Variants in ZC3H11A observed in about 807,000 individuals in gnomAD.
ZC3H11A encodes zinc finger CCCH domain-containing protein 11A.
Under a neutral mutation model 90.8 loss-of-function variants are expected in ZC3H11A, and 22 were observed. That is an observed-to-expected ratio of 0.24 (90% confidence interval 0.17 to 0.35). The LOEUF (loss-of-function observed/expected upper bound fraction) is 0.35, where lower values mean the gene tolerates loss of function less well. ZC3H11A is among the 10% of genes least tolerant of loss of function. The probability of loss-of-function intolerance (pLI) is 1.00; values close to 1 mark genes in which losing one functional copy is unlikely to be tolerated. For missense variants in ZC3H11A, 701 were observed against 964.9 expected (o/e 0.73, Z 3.62); for synonymous variants, 294 against 339.8 (o/e 0.87, Z 1.48).
chr1:203,831,189 T>C (rs1178030919), intron 8 of ZC3H11A, among the ~76,000 whole-genome samples: 2 of 152,046 alleles, frequency 1.3e-5, no homozygotes, highest in East Asian at 3.9e-4. Context: ...GGTAATCCAC[T>C]GCGCCCAGCC....
intron 10 of ZC3H11A, 44 bp from the exon 11 acceptor site, chr1:203,837,922 G>A: frequency 6.4e-7 from 1 of 1,568,226 alleles, no homozygotes; most frequent in Non-Finnish European, 8.7e-7. Flanking sequence ...TGTCCTTGCT[G>A]AAGATTGACT....
chr1:203,847,567 G>A lies in ZC3H11A; in HGVS notation c.1426G>A (p.Glu476Lys). The A allele has an allele frequency of 6.2e-7, 1 of 1,613,930 alleles. No homozygotes were observed. The highest frequency in any genetic ancestry group is 2.2e-5 in the East Asian group (1 of 44,878). ...MQEVHIKTLE[E>K]IKLEKALRVQ... ...GGAGGTGCACATCAAGACGCTGGAA[G>A]AAATTAAACTGGAGAAGGCACTGAG... Residue 476 changes from glutamate to lysine, a missense_variant, in exon 13 of 18, where the codon GAA becomes AAA. Coordinates refer to ENST00000367210, the MANE Select transcript of ZC3H11A (RefSeq NM_001376342.1).
At chr1:203,796,165 G>T in intron 1 of ZC3H11A, 1 of 331,098 alleles carries the variant, frequency 3.0e-6, no homozygotes, top group East Asian at 4.6e-5. Context: ...CCCGAATCCC[G>T]AAGAGAGAAC....
At chr1:203,851,959 ACT>A (rs1441257643) in intron 17 of ZC3H11A, among the ~76,000 whole-genome samples, 180 bp from the exon 18 acceptor site, 26 of 114,674 alleles carry the variant, frequency 2.3e-4, no homozygotes, top group African/African-American at 7.9e-4. Flanking sequence ...ACAAAGGGAG[ACT>A]CTGCCTCAAA....
chr1:203,830,031 A>G, intron 7 of ZC3H11A, 92 bp from the exon 8 acceptor site: 2 of 1,333,448 alleles, frequency 1.5e-6, no homozygotes, highest in Non-Finnish European at 2.1e-6. Flanking sequence ...TCTGTTGATC[A>G]TTTATTCAAA....
At chr1:203,798,971 T>G (rs759408571) in intron 1 of ZC3H11A, 48 of 1,536,014 alleles carry the variant, frequency 3.1e-5, no homozygotes, top group Non-Finnish European at 3.7e-5. Context: ...TACACCTGAC[T>G]GTTGACATAT....
At position 203,847,560 on chromosome 1, in the gene ZC3H11A, G is replaced by C. The variant is rs1331980064; in HGVS notation, c.1419G>C (p.Thr473=). The C allele has an allele frequency of 1.9e-6, 3 of 1,613,914 alleles. No individual in the cohort carries two copies. Among genetic ancestry groups the C allele is most frequent in the Non-Finnish European group, 2.5e-6 (3 of 1,179,876 alleles). ...CTATGCAGGAGGTGCACATCAAGAC[G>C]CTGGAAGAAATTAAACTGGAGAAGG... is the stretch of plus-strand genomic sequence containing the variant. The part of the protein sequence containing the change: ...TKSMQEVHIK[T]LEEIKLEKAL... Residue 473 remains threonine (T), a synonymous_variant, in exon 13 of 18, where the codon ACG becomes ACC. Transcript: ENST00000367210.
intron 4 of ZC3H11A, among the ~76,000 whole-genome samples, chr1:203,823,287 GT>G (rs1212940136): frequency 1.3e-5 from 2 of 152,012 alleles, no homozygotes; most frequent in Non-Finnish European, 2.9e-5. Flanking sequence ...CCGTGTGCCT[GT>G]TTTTTTATGC....
intron 3 of ZC3H11A, 64 bp downstream of exon 3, chr1:203,817,188 T>C (rs1676637418): frequency 7.3e-7 from 1 of 1,377,796 alleles, no homozygotes; most frequent in South Asian, 1.4e-5. Flanking sequence ...GGATAAGATT[T>C]TCCCAACATT....
At chr1:203,850,347 G>T in intron 15 of ZC3H11A, 168 bp from the exon 16 acceptor site, 1 of 969,610 alleles carries the variant, frequency 1.0e-6, no homozygotes, top group Non-Finnish European at 1.6e-6. Flanking sequence ...CACCTGTAGT[G>T]ACCACCATGT....
chr1:203,798,612 A>G, intron 1 of ZC3H11A: 1 of 1,536,152 alleles, frequency 6.5e-7, no homozygotes, highest in Non-Finnish European at 8.7e-7. Flanking sequence ...TGAGGACCTT[A>G]GTGACTCTGA....
chr1:203,814,916 A>T (rs1675756744), intron 2 of ZC3H11A: 1 of 151,496 alleles, frequency 6.6e-6, no homozygotes, highest in Non-Finnish European at 1.5e-5. Flanking sequence ...TGCAACCTCC[A>T]CCTCCCGGGT....
At chr1:203,799,313 C>T (rs751867500) in intron 1 of ZC3H11A, 11 of 711,444 alleles carry the variant, frequency 1.5e-5, no homozygotes, top group South Asian at 4.4e-5. Context: ...ACTTTTTCTG[C>T]GAGCACAAAA....
chr1:203,798,275 T>G, intron 1 of ZC3H11A: 1 of 1,536,108 alleles, frequency 6.5e-7, no homozygotes, highest in East Asian at 2.4e-5. Flanking sequence ...TCATCAAAAG[T>G]AACATTGTCA....
rs1159111192 is a variant in ZC3H11A at position 203,830,157 on chromosome 1, G to A, written c.654G>A (p.Glu218=). 1.3e-6 allele frequency: 2 copies of A among 1,597,040 alleles called. No homozygotes were observed. The highest frequency in any genetic ancestry group is 2.7e-5 in the African/African-American group (2 of 73,494). ...TGAATTTTGGAATAAAAACTCTTGA[G>A]GAAATTAAGTCAAAGAAAATGAAGG... is the stretch of plus-strand genomic sequence containing the variant. ...ECLNFGIKTL[E]EIKSKKMKEK... Residue 218 remains glutamate (E), a synonymous_variant, in exon 8 of 18, where the codon GAG becomes GAA. Coordinates refer to ENST00000367210, the MANE Select transcript of ZC3H11A (RefSeq NM_001376342.1).
rs1271040079 is a variant in ZC3H11A, at chr1:203,831,770, A to G, written c.810A>G (p.Gln270=). Residue 270 remains glutamine, a splice_region_variant and synonymous_variant, in exon 9 of 18, where the codon CAA becomes CAG. Coordinates refer to ENST00000367210, the MANE Select transcript of ZC3H11A (RefSeq NM_001376342.1). ...GGACAGTAACTCTCTCCACCAAACA[A>G]GGTAAGGTATAGATAGGTCTTAGAG... is the stretch of plus-strand genomic sequence containing the variant. ...VVRTVTLSTK[Q]GEEPLVRLSL... 3 of 1,610,074 alleles carry G rather than the reference A, an allele frequency of 1.9e-6. No homozygotes were observed. The highest frequency in any genetic ancestry group is 2.5e-6 in the Non-Finnish European group (3 of 1,177,854).
rs966545049 is a variant in ZC3H11A, at chr1:203,847,689, TAACA to T, written c.1546+4_1546+7del. The T allele has an allele frequency of 6.2e-7, 1 of 1,610,738 alleles. No homozygotes were observed. On this transcript the variant is annotated splice_donor_5th_base_variant and intron_variant, in intron 13 of 17. Coordinates refer to ENST00000367210, the MANE Select transcript of ZC3H11A (RefSeq NM_001376342.1). The stretch of plus-strand genomic sequence containing the variant: ...TGCTGCGAATCACCAAAAGAACAGG[TAACA>T]AGAGAACTTGGTCTCTAGTACCACG...
rs1398709488 is a variant in ZC3H11A at position 203,819,021 on chromosome 1, A to G, written c.174+332A>G. ...GAGTTGGAGGTTGCAGTGAGCTGAG[A>G]TCGCACCACTGCACTCCAGCCTGGT... On this transcript the variant is annotated intron_variant, in intron 4 of 17. Transcript: ENST00000367210. Among the ~76,000 whole-genome samples, 4 of 150,816 alleles carry G rather than the reference A, an allele frequency of 2.7e-5. No homozygotes were observed. The East Asian group carries it at 6.0e-4, about 23-fold the overall frequency.
At chr1:203,800,285 A>G (rs1470113161) in intron 1 of ZC3H11A, 6 of 969,434 alleles carry the variant, frequency 6.2e-6, no homozygotes, top group Non-Finnish European at 7.9e-6. Context: ...TCTTTACTAA[A>G]AATAGCCACT....
Sources: gnomAD v4.1 joint callset for allele counts (sites outside exome capture counted in the v4.1 genomes callset) on GRCh38, gnomAD v4.1.1 for gene constraint, MANE v1.5 for transcripts, NCBI Gene and HGNC (gene_info 2026-07-23, HGNC 2026-07-21) for gene names.